GALNT13: variants seen among roughly 807,000 people sequenced by gnomAD.
GALNT13 encodes polypeptide N-acetylgalactosaminyltransferase 13, also known as UDP-GalNAc:polypeptide N-acetylgalactosaminyltransferase 13.
GALNT13 carries 28 observed loss-of-function variants against 64.2 expected under a neutral mutation model. That is an observed-to-expected ratio of 0.44 (90% confidence interval 0.32 to 0.60). The LOEUF (loss-of-function observed/expected upper bound fraction) is 0.60, where lower values mean the gene tolerates loss of function less well. GALNT13 is among the 20% of genes least tolerant of loss of function. GALNT13 has a pLI of 0.05. For missense variants in GALNT13, 577 were observed against 669.8 expected, an observed-to-expected ratio of 0.86 and a Z score of 1.53; for synonymous variants, 214 against 224.6, an observed-to-expected ratio of 0.95 and a Z score of 0.42.
the GALNT13 span, among the ~76,000 whole-genome samples, chr2:153,208,973 C>CTTTTTTTTTTTT: frequency 5.0e-4 from 37 of 74,680 alleles, 2 homozygotes; most frequent in Admixed American, 5.8e-4. Context: ...TGGTTTTGGT[C>CTTTTTTTTTTTT]TTTTTTTTTT....
At chr2:153,197,702 C>T in the GALNT13 span, among the ~76,000 whole-genome samples, 6 of 152,174 alleles carry the variant, frequency 3.9e-5, no homozygotes, top group East Asian at 1.9e-4. Context: ...GTTTTCAGCA[C>T]GTGTGCCAAA....
chr2:154,202,769 T>C (rs923769921), intron 4 of GALNT13, among the ~76,000 whole-genome samples: 1 of 152,122 alleles, frequency 6.6e-6, no homozygotes, highest in African/African-American at 2.4e-5. Flanking sequence ...AATCATATAC[T>C]TCAGCATTTC....
intron 3 of GALNT13, among the ~76,000 whole-genome samples, chr2:154,069,503 A>G (rs1700636837): frequency 6.6e-6 from 1 of 152,010 alleles, no homozygotes; most frequent in South Asian, 2.1e-4. Context: ...ACAGAGAAAT[A>G]AATGGAGATC....
At chr2:153,350,813 A>G in the GALNT13 span, among the ~76,000 whole-genome samples, 50 of 152,294 alleles carry the variant, frequency 3.3e-4, no homozygotes, top group South Asian at 8.9e-3. Flanking sequence ...AATGATGACG[A>G]TGCCACCCAA....
intron 4 of GALNT13, among the ~76,000 whole-genome samples, chr2:154,141,990 C>T (rs186044870): frequency 3.3e-5 from 5 of 152,124 alleles, no homozygotes; most frequent in East Asian, 3.9e-4. Context: ...ATATGGTCCT[C>T]GTAAAACAAA....
At chr2:153,084,985 T>C in the GALNT13 span, among the ~76,000 whole-genome samples, 2 of 152,194 alleles carry the variant, frequency 1.3e-5, no homozygotes, top group Admixed American at 6.5e-5. Context: ...TGAATGGCTT[T>C]GACCAAAATG....
chr2:153,928,276 T>C (rs1181079967), intron 2 of GALNT13, among the ~76,000 whole-genome samples: 1 of 152,160 alleles, frequency 6.6e-6, no homozygotes, highest in Non-Finnish European at 1.5e-5. Flanking sequence ...AGAACACTTG[T>C]AATATATTTC....
chr2:153,272,771 T>C, the GALNT13 span, among the ~76,000 whole-genome samples: 1 of 152,206 alleles, frequency 6.6e-6, no homozygotes, highest in African/African-American at 2.4e-5. Flanking sequence ...ACTGGGTATA[T>C]ACCTAAAGGA....
the GALNT13 span, among the ~76,000 whole-genome samples, chr2:153,668,112 G>A: frequency 3.3e-5 from 5 of 152,038 alleles, no homozygotes; most frequent in Non-Finnish European, 7.4e-5. Context: ...GATTCATTAA[G>A]CAAGTTCTTA....
the GALNT13 span, among the ~76,000 whole-genome samples, chr2:153,780,155 C>CT: frequency 1.3e-5 from 2 of 148,602 alleles, no homozygotes; most frequent in African/African-American, 5.0e-5. Context: ...TTCCATACAG[C>CT]TTTTATCTCA....
chr2:153,492,302 C>G, the GALNT13 span, among the ~76,000 whole-genome samples: 1 of 152,160 alleles, frequency 6.6e-6, no homozygotes, highest in Non-Finnish European at 1.5e-5. Context: ...GCTACAAGAC[C>G]AGTGTAGTAT....
At chr2:153,728,032 A>G in the GALNT13 span, among the ~76,000 whole-genome samples, 1 of 152,090 alleles carries the variant, frequency 6.6e-6, no homozygotes, top group African/African-American at 2.4e-5. Flanking sequence ...GCTGAGGATG[A>G]TGGCTTCCAG....
chr2:153,949,423 C>A (rs1458218834), intron 3 of GALNT13, among the ~76,000 whole-genome samples: 1 of 151,628 alleles, frequency 6.6e-6, no homozygotes, highest in Non-Finnish European at 1.5e-5. Context: ...TGCCTGTAAT[C>A]CCAGGTACTC....
chr2:153,925,222 T>C (rs1378003228), intron 2 of GALNT13, among the ~76,000 whole-genome samples: 1 of 152,156 alleles, frequency 6.6e-6, no homozygotes, highest in Admixed American at 6.6e-5. Context: ...CTTGAGTTGA[T>C]TTTTGTATAT....
chr2:153,254,077 G>A, the GALNT13 span, among the ~76,000 whole-genome samples: 2 of 152,126 alleles, frequency 1.3e-5, no homozygotes, highest in South Asian at 2.1e-4. Flanking sequence ...GGTAGAATTC[G>A]GCTGTGAATC....
At chr2:153,787,222 A>G in the GALNT13 span, among the ~76,000 whole-genome samples, 1 of 152,134 alleles carries the variant, frequency 6.6e-6, no homozygotes, top group Non-Finnish European at 1.5e-5. Context: ...AGGGAGAACA[A>G]CTGCAAATGT....
chr2:153,298,911 T>G, the GALNT13 span, among the ~76,000 whole-genome samples: 1 of 152,156 alleles, frequency 6.6e-6, no homozygotes, highest in African/African-American at 2.4e-5. Context: ...TTATGAAAAT[T>G]ACAGTCACAT....
chr2:154,057,090 C>T (rs918784122), intron 3 of GALNT13, among the ~76,000 whole-genome samples: 1 of 151,852 alleles, frequency 6.6e-6, no homozygotes, highest in African/African-American at 2.4e-5. Flanking sequence ...AGTACAGTGG[C>T]GCAATCTTGG....
chr2:153,615,893 A>C, the GALNT13 span, among the ~76,000 whole-genome samples: 1 of 151,746 alleles, frequency 6.6e-6, no homozygotes, highest in African/African-American at 2.4e-5. Context: ...GGGTTGTCTC[A>C]CTACTTTGTT....
Sources: gnomAD v4.1 joint callset for allele counts (sites outside exome capture counted in the v4.1 genomes callset) on GRCh38, gnomAD v4.1.1 for gene constraint, MANE v1.5 for transcripts, NCBI Gene and HGNC (gene_info 2026-07-23, HGNC 2026-07-21) for gene names.